The following CFAP299 variants were observed in gnomAD, a reference collection of about 807,000 sequenced individuals.
CFAP299 encodes cilia and flagella associated protein 299.
Under a neutral mutation model 27.0 loss-of-function variants are expected in CFAP299, and 21 were observed. The observed-to-expected ratio is 0.78, with a 90% CI of 0.55 to 1.12. The LOEUF (loss-of-function observed/expected upper bound fraction) is 1.12, where lower values mean the gene tolerates loss of function less well. Among genes scored for constraint, CFAP299 ranks in the 50% most tolerant of loss-of-function variants. The probability of loss-of-function intolerance (pLI) is 0.00; values close to 1 mark genes in which losing one functional copy is unlikely to be tolerated. For missense variants in CFAP299, 310 were observed against 276.6 expected (o/e 1.12, Z -0.86); for synonymous variants, 104 against 98.1 (o/e 1.06, Z -0.36).
At chr4:80,741,422 T>G (rs1724263783) in intron 3 of CFAP299, among the ~76,000 whole-genome samples, 1 of 151,892 alleles carries the variant, frequency 6.6e-6, no homozygotes, top group African/African-American at 2.4e-5. Flanking sequence ...AAGGACTGAG[T>G]CCCTCCCTTT....
chr4:80,480,198 G>A (rs1730486176), intron 2 of CFAP299, among the ~76,000 whole-genome samples: 1 of 151,832 alleles, frequency 6.6e-6, no homozygotes, highest in Admixed American at 6.6e-5. Flanking sequence ...ACATACAAAT[G>A]TTAGGTGGAA....
At chr4:80,463,163 T>A (rs550067335) in intron 2 of CFAP299, among the ~76,000 whole-genome samples, 28 of 149,578 alleles carry the variant, frequency 1.9e-4, no homozygotes, top group East Asian at 7.8e-4. Context: ...TTTTTTTTTT[T>A]AATTTTAATG....
intron 4 of CFAP299, among the ~76,000 whole-genome samples, chr4:80,878,611 CTTGT>C (rs1733537564): frequency 1.3e-5 from 2 of 151,990 alleles, no homozygotes; most frequent in Admixed American, 6.6e-5. Flanking sequence ...TGTAAGCCTA[CTTGT>C]TTTTCTGTTT....
chr4:80,381,768 G>A (rs1724711736), intron 2 of CFAP299, among the ~76,000 whole-genome samples: 2 of 152,116 alleles, frequency 1.3e-5, no homozygotes, highest in Non-Finnish European at 2.9e-5. Context: ...AGTTGACTTG[G>A]TTTGTTGCAA....
rs185291026 is a variant in CFAP299, at chr4:80,675,825, C to T, written c.333+92642C>T. Among the ~76,000 whole-genome samples, 641 of 152,348 alleles carry T rather than the reference C, an allele frequency of 4.2e-3. 2 individuals carry two copies. Among genetic ancestry groups the T allele is most frequent in the Non-Finnish European group, 7.2e-3 (489 of 68,042 alleles). ...TGCACTAGCAGTGAGCAAGGCTCCA[C>T]GGGTGTGGGACCTGCTGAGGCAGGC... is the stretch of plus-strand genomic sequence containing the variant. On this transcript the variant is annotated intron_variant, in intron 3 of 5. Transcript: ENST00000358105.
intron 2 of CFAP299, among the ~76,000 whole-genome samples, chr4:80,405,041 C>A (rs1229014395): frequency 6.6e-6 from 1 of 152,056 alleles, no homozygotes; most frequent in Non-Finnish European, 1.5e-5. Context: ...CTTAGTAGAA[C>A]CTGGAAATTA....
Position 80,832,376 on chromosome 4 carries a change from T to G in CFAP299, c.334-37617T>G, listed in dbSNP as rs535595956. 1.6e-4 allele frequency among the ~76,000 whole-genome samples: 25 copies of G among 152,238 alleles called. No homozygotes were observed. In the South Asian group the frequency reaches 5.2e-3, roughly 32 times the overall value. On this transcript the variant is annotated intron_variant, in intron 3 of 5. Coordinates refer to ENST00000358105, the MANE Select transcript of CFAP299 (RefSeq NM_152770.3). Reference sequence around the variant, plus strand: ...TCAAATTGGAAAATATGTCTACTACTTGAAATGCTACATGTAAATTTGACT... The same window carrying G: ...TCAAATTGGAAAATATGTCTACTACGTGAAATGCTACATGTAAATTTGACT...
At chr4:80,646,712 A>G (rs943230324) in intron 3 of CFAP299, among the ~76,000 whole-genome samples, 1 of 152,118 alleles carries the variant, frequency 6.6e-6, no homozygotes, top group African/African-American at 2.4e-5. Context: ...AAAACATAAG[A>G]AATCTTGATA....
At chr4:80,559,970 C>T (rs1343461293) in intron 2 of CFAP299, among the ~76,000 whole-genome samples, 1 of 152,124 alleles carries the variant, frequency 6.6e-6, no homozygotes, top group African/African-American at 2.4e-5. Context: ...TAAGGGATCA[C>T]ATAACATACT....
intron 3 of CFAP299, among the ~76,000 whole-genome samples, chr4:80,669,142 TTTCTTTC>T (rs1437344937): frequency 0.023 from 1,245 of 53,964 alleles, 247 homozygotes; most frequent in Non-Finnish European, 0.036. Flanking sequence ...TCTTTCTTTC[TTTCTTTC>T]TTTTTTTTTT....
chr4:80,673,307 T>C (rs1380994784), intron 3 of CFAP299, among the ~76,000 whole-genome samples: 1 of 152,186 alleles, frequency 6.6e-6, no homozygotes, highest in South Asian at 2.1e-4. Context: ...AGTTTCCATG[T>C]AGTTGAGCGG....
intron 2 of CFAP299, among the ~76,000 whole-genome samples, chr4:80,570,110 G>A (rs1735510720): frequency 6.6e-6 from 1 of 151,906 alleles, no homozygotes. Flanking sequence ...AAATAGAGAA[G>A]CCAGAAACAG....
chr4:80,724,006 G>A (rs1722994221), intron 3 of CFAP299, among the ~76,000 whole-genome samples: 1 of 151,994 alleles, frequency 6.6e-6, no homozygotes, highest in African/African-American at 2.4e-5. Flanking sequence ...CATGAAAATT[G>A]TACTTCACAA....
At chr4:80,355,714 G>A (rs1286565485) in intron 1 of CFAP299, among the ~76,000 whole-genome samples, 1 of 151,990 alleles carries the variant, frequency 6.6e-6, no homozygotes, top group Non-Finnish European at 1.5e-5. Context: ...TGCATAATTT[G>A]CAAAAATTTT....
At chr4:80,885,931 G>A (rs148661354) in intron 4 of CFAP299, among the ~76,000 whole-genome samples, 106 of 152,224 alleles carry the variant, frequency 7.0e-4, no homozygotes, top group Admixed American at 2.6e-3. Context: ...CTATCCTCTT[G>A]GACAGCATTT....
intron 3 of CFAP299, among the ~76,000 whole-genome samples, chr4:80,669,573 TC>T (rs1741353728): frequency 6.6e-6 from 1 of 151,562 alleles, no homozygotes; most frequent in Non-Finnish European, 1.5e-5. Flanking sequence ...TAACAGTTTT[TC>T]TTTTTTTTTT....
At chr4:80,882,317 T>C (rs1011203273) in intron 4 of CFAP299, among the ~76,000 whole-genome samples, 1 of 152,104 alleles carries the variant, frequency 6.6e-6, no homozygotes, top group African/African-American at 2.4e-5. Flanking sequence ...AATCAAATTA[T>C]AAAAGTCAAA....
At chr4:80,480,028 A>C (rs1730474516) in intron 2 of CFAP299, among the ~76,000 whole-genome samples, 1 of 151,998 alleles carries the variant, frequency 6.6e-6, no homozygotes, top group African/African-American at 2.4e-5. Flanking sequence ...TAGCAATTTA[A>C]TGTGGGCCTG....
At chr4:80,408,534 C>T (rs1415137963) in intron 2 of CFAP299, among the ~76,000 whole-genome samples, 1 of 151,734 alleles carries the variant, frequency 6.6e-6, no homozygotes, top group African/African-American at 2.4e-5. Context: ...CTTTTTGTTA[C>T]CTATATTTCA....
Sources: allele counts gnomAD v4.1 joint callset (sites outside exome capture counted in the v4.1 genomes callset), GRCh38; gene constraint gnomAD v4.1.1; transcripts MANE v1.5; gene names NCBI Gene and HGNC (gene_info 2026-07-23, HGNC 2026-07-21).